The following TMEM132D variants were observed in gnomAD, a reference collection of about 807,000 sequenced individuals.
The protein encoded by TMEM132D is mature OL transmembrane protein.
Under a neutral mutation model 62.3 loss-of-function variants are expected in TMEM132D, and 21 were observed. The ratio of observed to expected loss-of-function variants is 0.34; its 90% CI spans 0.24 to 0.49. TMEM132D has a LOEUF of 0.49. TMEM132D is among the 20% of genes least tolerant of loss of function. The pLI is 0.99. For missense variants in TMEM132D, 1,346 were observed against 1,402.8 expected (o/e 0.96, Z 0.65); for synonymous variants, 621 against 575.6 (o/e 1.08, Z -1.13).
Position 129,877,649 on chromosome 12 carries a change from A to C in TMEM132D, c.79+25612T>G, listed in dbSNP as rs569749319. Among the ~76,000 whole-genome samples the C allele has an allele frequency of 1.4e-4, 21 of 151,898 alleles. No homozygotes were observed. The East Asian group carries it at 4.1e-3, about 30-fold the overall frequency. ...CACACAGAGAGAGAGAGAGAGAGAG[A>C]GAGAGCGCTATAAGCTGAAGCCCAT... On this transcript the variant is annotated intron_variant, in intron 1 of 8. Coordinates refer to ENST00000422113, the MANE Select transcript of TMEM132D (RefSeq NM_133448.3).
intron 2 of TMEM132D, among the ~76,000 whole-genome samples, chr12:129,686,702 A>T (rs1593119993): frequency 6.6e-6 from 1 of 152,032 alleles, no homozygotes; most frequent in Non-Finnish European, 1.5e-5. Flanking sequence ...CCACACAAGC[A>T]CTCCCTGGGA....
At chr12:129,275,425 T>C (rs6486442) in intron 4 of TMEM132D, among the ~76,000 whole-genome samples, 50,762 of 152,082 alleles carry the variant, frequency 0.33, 8,536 homozygotes, top group South Asian at 0.36. Flanking sequence ...TTGGGTAATG[T>C]TGCTGTGAGG....
At chr12:129,643,840 A>C (rs1314137036) in intron 2 of TMEM132D, among the ~76,000 whole-genome samples, 3 of 140,990 alleles carry the variant, frequency 2.1e-5, no homozygotes, top group Non-Finnish European at 4.6e-5. Flanking sequence ...AACAGAACCA[A>C]TGTACCATTT....
chr12:129,183,520 TAGA>T (rs1437540080), intron 5 of TMEM132D, among the ~76,000 whole-genome samples: 1 of 152,260 alleles, frequency 6.6e-6, no homozygotes, highest in African/African-American at 2.4e-5. Flanking sequence ...ACAGGATTTC[TAGA>T]AGGAGCCTTG....
chr12:129,343,473 G>C (rs1869574311), intron 3 of TMEM132D, among the ~76,000 whole-genome samples: 1 of 152,064 alleles, frequency 6.6e-6, no homozygotes, highest in Non-Finnish European at 1.5e-5. Flanking sequence ...TATACCTAAT[G>C]TAAATGATGA....
intron 5 of TMEM132D, among the ~76,000 whole-genome samples, chr12:129,174,221 C>T (rs1300871710): frequency 6.6e-6 from 1 of 152,152 alleles, no homozygotes; most frequent in Non-Finnish European, 1.5e-5. Context: ...TCTAAGTTCA[C>T]TCCCCTTGCC....
At chr12:129,781,023 GCT>G (rs1197752171) in intron 1 of TMEM132D, among the ~76,000 whole-genome samples, 1 of 152,208 alleles carries the variant, frequency 6.6e-6, no homozygotes, top group Non-Finnish European at 1.5e-5. Flanking sequence ...AGCAGCTTGA[GCT>G]CTGTGGGCTC....
intron 3 of TMEM132D, among the ~76,000 whole-genome samples, chr12:129,497,243 G>T (rs1323358218): frequency 6.6e-6 from 1 of 152,304 alleles, no homozygotes; most frequent in East Asian, 1.9e-4. Context: ...GGGAGGCGGA[G>T]GTTGTAGTGG....
intron 3 of TMEM132D, among the ~76,000 whole-genome samples, chr12:129,380,734 C>T (rs894723332): frequency 2.0e-5 from 3 of 152,134 alleles, no homozygotes; most frequent in Admixed American, 6.6e-5. Flanking sequence ...CCATCCCCAT[C>T]CCTAATCCCT....
chr12:129,486,955 G>A (rs1367725232), intron 3 of TMEM132D, among the ~76,000 whole-genome samples: 2 of 151,588 alleles, frequency 1.3e-5, no homozygotes, highest in Non-Finnish European at 2.9e-5. Context: ...GTTAGCTACT[G>A]ATAAATGCCA....
intron 2 of TMEM132D, among the ~76,000 whole-genome samples, chr12:129,565,723 G>A (rs4759968): frequency 1.3e-5 from 2 of 152,332 alleles, no homozygotes; most frequent in South Asian, 2.1e-4. Context: ...GCAGCTCCCA[G>A]CTGGGTCAGC....
At chr12:129,350,631 T>C (rs1371495650) in intron 3 of TMEM132D, among the ~76,000 whole-genome samples, 2 of 152,236 alleles carry the variant, frequency 1.3e-5, no homozygotes, top group African/African-American at 4.8e-5. Context: ...GGGCCCAGAC[T>C]TCAGCCTCTC....
At chr12:129,479,025 C>G (rs1478296956) in intron 3 of TMEM132D, among the ~76,000 whole-genome samples, 1 of 152,168 alleles carries the variant, frequency 6.6e-6, no homozygotes, top group Non-Finnish European at 1.5e-5. Flanking sequence ...TTACGTTCTG[C>G]GTGGACTTCT....
At chr12:129,601,019 AG>A (rs139574809) in intron 2 of TMEM132D, among the ~76,000 whole-genome samples, 6,186 of 152,266 alleles carry the variant, frequency 0.041, 188 homozygotes, top group Non-Finnish European at 0.056. Flanking sequence ...AAGTCCTAGA[AG>A]GCACCTTCTT....
At chr12:129,337,493 G>A in intron 4 of TMEM132D, 141 bp downstream of exon 4, 4 of 863,792 alleles carry the variant, frequency 4.6e-6, no homozygotes, top group Middle Eastern at 6.1e-4. Flanking sequence ...GCTATTGGCA[G>A]TCAACTTTGT....
At chr12:129,668,458 G>A (rs1194932168) in intron 2 of TMEM132D, among the ~76,000 whole-genome samples, 6 of 151,434 alleles carry the variant, frequency 4.0e-5, no homozygotes, top group Middle Eastern at 3.2e-3. Context: ...TCAGATGTAC[G>A]ACCCTGACTG....
chr12:129,651,838 T>C (rs1879935932), intron 2 of TMEM132D, among the ~76,000 whole-genome samples: 1 of 152,158 alleles, frequency 6.6e-6, no homozygotes, highest in African/African-American at 2.4e-5. Flanking sequence ...CTCTGCAAAA[T>C]TGCCAGGGGT....
chr12:129,367,640 T>C (rs1233963514), intron 3 of TMEM132D, among the ~76,000 whole-genome samples: 8 of 152,118 alleles, frequency 5.3e-5, no homozygotes, highest in Non-Finnish European at 1.2e-4. Flanking sequence ...GGATGAGTGG[T>C]AGCCAGAGGC....
rs552374591 is a variant in TMEM132D at position 129,164,493 on chromosome 12, T to G, written c.1443+45027A>C. Among the ~76,000 whole-genome samples, 213 of 152,348 alleles carry G rather than the reference T, an allele frequency of 1.4e-3. 7 individuals carry two copies. In the South Asian group the frequency reaches 0.042, roughly 30 times the overall value. On this transcript the variant is annotated intron_variant, in intron 5 of 8. Transcript: ENST00000422113. ...GTAAAGTTAAACATATACCCAGCTG[T>G]ATTGGTCCATTTTCATACTGCTATA... is the stretch of plus-strand genomic sequence containing the variant.
Sources: allele counts gnomAD v4.1 joint callset (sites outside exome capture counted in the v4.1 genomes callset), GRCh38; gene constraint gnomAD v4.1.1; transcripts MANE v1.5; gene names NCBI Gene and HGNC (gene_info 2026-07-23, HGNC 2026-07-21).